Variants in IL2RB observed in about 807,000 individuals in gnomAD.
IL2RB encodes the protein interleukin 2 receptor subunit beta, also known as interleukin-2 receptor subunit beta.
A neutral mutation model predicts 44.2 loss-of-function variants in IL2RB; 17 were observed. The ratio of observed to expected loss-of-function variants is 0.38; its 90% CI spans 0.26 to 0.58. The LOEUF (loss-of-function observed/expected upper bound fraction) is 0.58. Ranked by LOEUF, IL2RB falls within the 20% of genes least tolerant of loss-of-function variation. The probability of loss-of-function intolerance (pLI) is 0.63; values close to 1 mark genes in which losing one functional copy is unlikely to be tolerated. For missense variants in IL2RB, 624 were observed against 685.5 expected, an observed-to-expected ratio of 0.91 and a Z score of 1.00; for synonymous variants, 286 against 297.9, an observed-to-expected ratio of 0.96 and a Z score of 0.41.
chr22:37,133,640 C>T (rs772919702), intron 8 of IL2RB, among the ~76,000 whole-genome samples: 29 of 152,202 alleles, frequency 1.9e-4, no homozygotes, highest in Non-Finnish European at 2.8e-4. Flanking sequence ...CACCGCTTTG[C>T]CCTCCACCAG....
intron 1 of IL2RB, among the ~76,000 whole-genome samples, chr22:37,160,418 G>C (rs1922817755): frequency 6.6e-6 from 1 of 152,208 alleles, no homozygotes; most frequent in African/African-American, 2.4e-5. Flanking sequence ...GAGGGTTTGG[G>C]CAGGGAACTG....
At chr22:37,167,403 G>T (rs1402467073) in intron 1 of IL2RB, among the ~76,000 whole-genome samples, 1 of 152,102 alleles carries the variant, frequency 6.6e-6, no homozygotes, top group Non-Finnish European at 1.5e-5. Context: ...CCCAGCGACT[G>T]CCCTTGTAAA....
At position 37,159,224 on chromosome 22, in the gene IL2RB, CACTT is replaced by C. The variant is rs755871061; in HGVS notation, c.-33-15023_-33-15020del. ...GAAGTTCCTCTCTATCAAGAAGTAACACTTGCTTGCTTTTTTTTTTCTTAGTGTT... is the reference window on the plus strand; with the variant it reads ...GAAGTTCCTCTCTATCAAGAAGTAACGCTTGCTTTTTTTTTTCTTAGTGTT... On this transcript the variant is annotated intron_variant, in intron 1 of 5. Coordinates refer to the IL2RB transcript ENST00000429622. 5.3e-4 allele frequency among the ~76,000 whole-genome samples: 80 copies of C among 152,176 alleles called. 1 individual carries two copies. The highest frequency in any genetic ancestry group is 1.2e-3 in the East Asian group (6 of 5,184).
chr22:37,127,955 G>T lies in IL2RB; in HGVS notation c.*141C>A. On this transcript the variant is annotated 3_prime_UTR_variant, in exon 10 of 10. Transcript: ENST00000216223. ...TGGATGGACCAAGTGTGCAGGACTG[G>T]GTGGGGGCCATCCGGGTGGAGAAGT... 1.7e-6 allele frequency: 1 copy of T among 602,888 alleles called. No individual in the cohort carries two copies. Among genetic ancestry groups the T allele is most frequent in the Non-Finnish European group, 2.6e-6 (1 of 384,374 alleles). The allele number at this position is 602,888 out of a possible 1,614,324, so 37.3% of individuals were successfully genotyped here. A position where few individuals can be genotyped will look rare whatever the true frequency, so the allele number is the denominator to read the frequency against.
rs371620727 is a variant in IL2RB at position 37,160,612 on chromosome 22, C to T, written c.-34+14346G>A. ...TTTTTAAAAACGTGAAAGGCCAAGGCGGGTGGATTGCTTGAGCTCAGGAAT... is the reference window on the plus strand; with the variant it reads ...TTTTTAAAAACGTGAAAGGCCAAGGTGGGTGGATTGCTTGAGCTCAGGAAT... On this transcript the variant is annotated intron_variant, in intron 1 of 5. Coordinates refer to the IL2RB transcript ENST00000429622. Among the ~76,000 whole-genome samples, 17 of 150,692 alleles carry T rather than the reference C, an allele frequency of 1.1e-4. No homozygotes were observed. The South Asian group carries it at 1.7e-3, about 15-fold the overall frequency.
At chr22:37,148,205 G>A (rs3218258) in intron 1 of IL2RB, among the ~76,000 whole-genome samples, 33,073 of 150,120 alleles carry the variant, frequency 0.22, 3,884 homozygotes, top group Non-Finnish European at 0.27. Context: ...GCGATGCTCG[G>A]AGAGGGCAGA....
intron 4 of IL2RB, 33 bp from the exon 5 acceptor site, chr22:37,139,255 T>C (rs1921851837): frequency 4.0e-6 from 6 of 1,487,462 alleles, no homozygotes; most frequent in Non-Finnish European, 5.6e-6. Context: ...GTGAAACTTC[T>C]AGCAGCTTCA....
At chr22:37,135,785 T>C (rs1921661042) in intron 7 of IL2RB, among the ~76,000 whole-genome samples, 1 of 150,830 alleles carries the variant, frequency 6.6e-6, no homozygotes, top group African/African-American at 2.5e-5. Context: ...ACCCCAGGTC[T>C]TGCTTGGGCT....
Position 37,128,240 on chromosome 22 carries a change from G to T in IL2RB, c.1512C>A (p.Gly504=). ...REAGEEVPDA[G]PREGVSFPWS... The stretch of plus-strand genomic sequence containing the variant: ...AGGGGAAACTGACTCCCTCCCTGGG[G>T]CCAGCGTCAGGGACCTCCTCCCCAG... Residue 504 remains glycine, a synonymous_variant, in exon 10 of 10, where the codon GGC becomes GGA. Coordinates refer to ENST00000216223, the MANE Select transcript of IL2RB (RefSeq NM_000878.5). This position sits in a 1 kb window ranked among gnomAD's most constrained non-coding sequence, Gnocchi z 4.5. The T allele has an allele frequency of 6.6e-7, 1 of 1,503,890 alleles. No homozygotes were observed. Among genetic ancestry groups the T allele is most frequent in the Non-Finnish European group, 8.9e-7 (1 of 1,127,736 alleles). 93.2% of individuals were successfully genotyped at this position (1,503,890 alleles called of 1,614,324 possible). A position where few individuals can be genotyped will look rare whatever the true frequency, so the allele number is the denominator to read the frequency against.
chr22:37,166,157 C>T (rs931715233), intron 1 of IL2RB, among the ~76,000 whole-genome samples: 7 of 152,348 alleles, frequency 4.6e-5, no homozygotes, highest in Admixed American at 3.3e-4. Context: ...CCCCTCCAGC[C>T]TTAGGCCCTT....
rs149969276 is a variant in IL2RB, at chr22:37,158,156, C to G, written c.-33-13951G>C. Among the ~76,000 whole-genome samples, 17 of 152,248 alleles carry G rather than the reference C, an allele frequency of 1.1e-4. 1 individual carries two copies. In the East Asian group the frequency reaches 3.3e-3, roughly 29 times the overall value. ...GTGTGTACAAAGTAACTCCTGCAGT[C>G]ACGGGACCCGAGGCCAACAAAATGC... On this transcript the variant is annotated intron_variant, in intron 1 of 5. Coordinates refer to the IL2RB transcript ENST00000429622.
rs993589003 is a variant in IL2RB at position 37,136,471 on chromosome 22, C to A, written c.538-78G>T. On this transcript the variant is annotated intron_variant, in intron 6 of 9. Transcript: ENST00000216223. ...AGGAGGCTGAGCATCACAGAACCCC[C>A]CCCCAACCCCTGCCAGCTGCACCCC... is the stretch of plus-strand genomic sequence containing the variant. 2.8e-6 allele frequency: 4 copies of A among 1,444,562 alleles called. No homozygotes were observed. In the African/African-American group the frequency reaches 5.7e-5, roughly 20 times the overall value. The allele number at this position is 1,444,562 out of a possible 1,614,324, so 89.5% of individuals were successfully genotyped here. A position where few individuals can be genotyped will look rare whatever the true frequency, so the allele number is the denominator to read the frequency against.
intron 1 of IL2RB, among the ~76,000 whole-genome samples, chr22:37,148,317 G>A (rs891653461): frequency 6.6e-6 from 1 of 152,204 alleles, no homozygotes. Flanking sequence ...GGGAAGCTGT[G>A]CCTCAGGGAG....
chr22:37,144,163 G>C lies in IL2RB; in HGVS notation c.10C>G (p.Pro4Ala). 3 of 1,551,406 alleles carry C rather than the reference G, an allele frequency of 1.9e-6. No homozygotes were observed. Among genetic ancestry groups the C allele is most frequent in the Non-Finnish European group, 2.6e-6 (3 of 1,146,894 alleles). Residue 4 changes from proline to alanine, a missense_variant, in exon 2 of 10, where the codon CCT becomes GCT. This residue lies in a region of IL2RB where 78 missense variants were observed against 70.0 expected (regional missense o/e 1.11). Transcript: ENST00000216223. The part of the protein sequence containing the change: MAA[P>A]ALSWRLPLLI... ...AGGGGCAGACGCCAGGACAGAGCAG[G>C]GGCCGCCATTACATCCACAGGGTGG... is the stretch of plus-strand genomic sequence containing the variant.
At chr22:37,134,288 C>T (rs1028862747) in intron 8 of IL2RB, among the ~76,000 whole-genome samples, 19 of 152,046 alleles carry the variant, frequency 1.2e-4, no homozygotes, top group Admixed American at 4.6e-4. Context: ...GTAGGTTACA[C>T]GCAAATATTC....
chr22:37,173,532 A>T (rs2145745787), intron 1 of IL2RB, among the ~76,000 whole-genome samples: 1 of 152,340 alleles, frequency 6.6e-6, no homozygotes, highest in Admixed American at 6.5e-5. Context: ...ACCTTAAAAT[A>T]ATTTTTAACA....
intron 1 of IL2RB, among the ~76,000 whole-genome samples, chr22:37,157,754 T>C (rs1922729998): frequency 6.6e-6 from 1 of 152,010 alleles, no homozygotes; most frequent in Non-Finnish European, 1.5e-5. Context: ...TGCTTATGAG[T>C]CTACACCAGG....
At chr22:37,136,018 C>G (rs915988162) in intron 7 of IL2RB, among the ~76,000 whole-genome samples, 1 of 152,126 alleles carries the variant, frequency 6.6e-6, no homozygotes, top group African/African-American at 2.4e-5. Flanking sequence ...CTTTCGACCC[C>G]TCCCCAACTC....
At chr22:37,137,887 C>G in intron 5 of IL2RB, 152 bp from the exon 6 acceptor site, 1 of 652,422 alleles carries the variant, frequency 1.5e-6, no homozygotes, top group Non-Finnish European at 2.7e-6. Flanking sequence ...CTCCAGGCCT[C>G]TCTCAATGAT....
Sources: gnomAD v4.1 joint callset for allele counts (sites outside exome capture counted in the v4.1 genomes callset) on GRCh38, gnomAD v4.1.1 for gene constraint, gnomAD v4.1.1 regional missense constraint, Gnocchi (gnomAD v3.1) non-coding constraint, MANE v1.5 for transcripts, NCBI Gene and HGNC (gene_info 2026-07-23, HGNC 2026-07-21) for gene names.